Variants in WAC observed in about 807,000 individuals in gnomAD.
The protein encoded by WAC is WW domain-containing adapter protein with coiled-coil.
WAC carries 11 observed loss-of-function variants against 79.6 expected under a neutral mutation model. That is an observed-to-expected ratio of 0.14 (90% CI 0.09 to 0.23). WAC has a LOEUF of 0.23. Among genes scored for constraint, WAC ranks in the 10% least tolerant of loss-of-function variants. WAC has a pLI of 1.00. For missense variants in WAC, 728 were observed against 773.5 expected, an observed-to-expected ratio of 0.94 and a Z score of 0.70; for synonymous variants, 304 against 276.9, an observed-to-expected ratio of 1.10 and a Z score of -0.97.
intron 3 of WAC, among the ~76,000 whole-genome samples, chr10:28,556,895 C>G (rs1044036527): frequency 6.6e-6 from 1 of 152,058 alleles, no homozygotes; most frequent in Non-Finnish European, 1.5e-5. Context: ...TTTGGGTGTT[C>G]TGTTGCATTG....
rs1396263982 is a variant in WAC at position 28,533,456 on chromosome 10, G to A, written c.-124G>A. 1.0e-5 allele frequency: 4 copies of A among 391,172 alleles called. No individual in the cohort carries two copies. The highest frequency in any genetic ancestry group is 1.4e-5 in the Non-Finnish European group (4 of 283,808). 24.2% of individuals were successfully genotyped at this position (391,172 alleles called of 1,614,324 possible). ...TAACTGGGAGCTGATGAGAGTCGCC[G>A]AGGGCGCGCCGGGCCCAGGTGCCGG... On this transcript the variant is annotated 5_prime_UTR_variant, in exon 1 of 14. Coordinates refer to ENST00000354911, the MANE Select transcript of WAC (RefSeq NM_016628.5).
intron 3 of WAC, among the ~76,000 whole-genome samples, chr10:28,556,943 T>C (rs1454618082): frequency 1.3e-5 from 2 of 152,218 alleles, no homozygotes; most frequent in Non-Finnish European, 2.9e-5. Context: ...CCATACTTTT[T>C]TTATTATTAC....
chr10:28,556,271 T>C (rs541855402), intron 3 of WAC, among the ~76,000 whole-genome samples: 9 of 152,192 alleles, frequency 5.9e-5, no homozygotes, highest in African/African-American at 2.2e-4. Context: ...TGTGAGCTAA[T>C]AGATCATTGC....
At chr10:28,533,895 T>G in intron 1 of WAC, 103 bp from the exon 2 acceptor site, 1 of 1,412,366 alleles carries the variant, frequency 7.1e-7, no homozygotes, top group Non-Finnish European at 9.8e-7. Flanking sequence ...GGGCGCTCGG[T>G]AGGTCTCCCG....
chr10:28,553,200 A>G (rs1332801096), intron 3 of WAC, among the ~76,000 whole-genome samples: 1 of 152,196 alleles, frequency 6.6e-6, no homozygotes, highest in Non-Finnish European at 1.5e-5. Context: ...AATTTTCACA[A>G]CTATTATAAA....
intron 10 of WAC, among the ~76,000 whole-genome samples, 199 bp downstream of exon 10, chr10:28,612,121 T>G (rs923928948): frequency 6.6e-6 from 1 of 152,180 alleles, no homozygotes; most frequent in African/African-American, 2.4e-5. Flanking sequence ...TGTGCTACTT[T>G]AATAAACCAT....
At chr10:28,604,503 G>A (rs1840835182) in intron 7 of WAC, among the ~76,000 whole-genome samples, 1 of 152,112 alleles carries the variant, frequency 6.6e-6, no homozygotes, top group African/African-American at 2.4e-5. Flanking sequence ...AAGCCGAGGT[G>A]AACAGATCAG....
rs563005264 is a variant in WAC at position 28,620,736 on chromosome 10, T to G, written c.*1130T>G. On this transcript the variant is annotated 3_prime_UTR_variant, in exon 14 of 14. Coordinates refer to ENST00000354911, the MANE Select transcript of WAC (RefSeq NM_016628.5). Reference sequence around the variant, plus strand: ...AAATAAGAAATTCAACAAGAATGATTAAGTCACTTCCCAAGTGGTTGTCAT... The same window carrying G: ...AAATAAGAAATTCAACAAGAATGATGAAGTCACTTCCCAAGTGGTTGTCAT... 6.6e-6 allele frequency: 1 copy of G among 152,300 alleles called. No individual in the cohort carries two copies. The highest frequency in any genetic ancestry group is 1.9e-4 in the East Asian group (1 of 5,150). 9.4% of individuals were successfully genotyped at this position (152,300 alleles called of 1,614,324 possible).
chr10:28,561,348 C>T (rs1479160510), intron 3 of WAC, among the ~76,000 whole-genome samples: 4 of 152,198 alleles, frequency 2.6e-5, no homozygotes, highest in South Asian at 2.1e-4. Flanking sequence ...TCATTTTATT[C>T]TCTAACCCTT....
At position 28,533,468 on chromosome 10, in the gene WAC, G is replaced by C. The variant is rs1836389640; in HGVS notation, c.-112G>C. On this transcript the variant is annotated 5_prime_UTR_variant, in exon 1 of 14. Transcript: ENST00000354911. The stretch of plus-strand genomic sequence containing the variant: ...GATGAGAGTCGCCGAGGGCGCGCCG[G>C]GCCCAGGTGCCGGGGCTGCCCGCCG... 2.0e-6 allele frequency: 1 copy of C among 508,922 alleles called. No homozygotes were observed. Among genetic ancestry groups the C allele is most frequent in the East Asian group, 1.5e-4 (1 of 6,770 alleles). The allele number at this position is 508,922 out of a possible 1,614,324, so 31.5% of individuals were successfully genotyped here. A position where few individuals can be genotyped will look rare whatever the true frequency, so the allele number is the denominator to read the frequency against.
chr10:28,534,494 T>C (rs1836505675), intron 2 of WAC: 1 of 156,468 alleles, frequency 6.4e-6, no homozygotes, highest in South Asian at 2.0e-4. Context: ...CCTTTCCCCT[T>C]TTAATATTTT....
intron 3 of WAC, among the ~76,000 whole-genome samples, chr10:28,540,326 G>A (rs548132076): frequency 5.4e-4 from 82 of 152,138 alleles, no homozygotes; most frequent in Non-Finnish European, 1.1e-3. Flanking sequence ...TGCTGTCAGA[G>A]ATTAAACACT....
intron 10 of WAC, 96 bp from the exon 11 acceptor site, chr10:28,614,471 G>GTCTTCTTTTAAAACA (rs71391055): frequency 2.4e-6 from 2 of 850,798 alleles, no homozygotes; most frequent in South Asian, 1.6e-5. Flanking sequence ...GAACTTGACT[G>GTCTTCTTTTAAAACA]CCACATTTTA....
intron 3 of WAC, among the ~76,000 whole-genome samples, chr10:28,573,066 C>G (rs942780392): frequency 6.6e-6 from 1 of 151,976 alleles, no homozygotes; most frequent in Non-Finnish European, 1.5e-5. Context: ...AAAGGAGTGG[C>G]TCTTAACATG....
intron 8 of WAC, 77 bp from the exon 9 acceptor site, chr10:28,610,622 T>A: frequency 7.0e-7 from 1 of 1,425,906 alleles, no homozygotes; most frequent in Non-Finnish European, 9.3e-7. Context: ...TTGTGAGTTC[T>A]CTTCCTTGTC....
chr10:28,592,476 C>G (rs948086414), intron 6 of WAC, among the ~76,000 whole-genome samples: 12 of 152,042 alleles, frequency 7.9e-5, no homozygotes, highest in African/African-American at 2.9e-4. Context: ...CAAAAGTTAT[C>G]TAGGTGTGGT....
intron 3 of WAC, among the ~76,000 whole-genome samples, chr10:28,554,876 G>T (rs922037292): frequency 6.6e-5 from 10 of 151,980 alleles, no homozygotes; most frequent in Non-Finnish European, 1.2e-4. Flanking sequence ...CTTTCCATCA[G>T]CTCCTTTTGC....
intron 3 of WAC, among the ~76,000 whole-genome samples, chr10:28,558,695 AAAT>A (rs1838132529): frequency 1.3e-5 from 2 of 152,196 alleles, no homozygotes; most frequent in African/African-American, 2.4e-5. Context: ...AAAGCAAGTA[AAAT>A]AATAGTGAGT....
chr10:28,567,022 C>CT (rs1838665571), intron 3 of WAC, among the ~76,000 whole-genome samples: 1 of 149,988 alleles, frequency 6.7e-6, no homozygotes, highest in Non-Finnish European at 1.5e-5. Context: ...CATCTTATCT[C>CT]TAAGTACTTT....
Sources: allele counts gnomAD v4.1 joint callset (sites outside exome capture counted in the v4.1 genomes callset), GRCh38; gene constraint gnomAD v4.1.1; transcripts MANE v1.5; gene names NCBI Gene and HGNC (gene_info 2026-07-23, HGNC 2026-07-21).